PILRA: variants seen among roughly 807,000 people sequenced by gnomAD.
The protein encoded by PILRA is paired immunoglobulin-like type 2 receptor alpha.
In PILRA, 37 loss-of-function variants were observed where a neutral mutation model predicts 33.1. That is an observed-to-expected ratio of 1.12 (90% CI 0.86 to 1.47). The LOEUF (loss-of-function observed/expected upper bound fraction) is 1.47, where lower values mean the gene tolerates loss of function less well. Among genes scored for constraint, PILRA ranks in the 40% most tolerant of loss-of-function variants. The pLI is 0.00. For missense variants in PILRA, 312 were observed against 376.2 expected (o/e 0.83, Z 1.41); for synonymous variants, 146 against 149.9 (o/e 0.97, Z 0.19).
intron 3 of PILRA, among the ~76,000 whole-genome samples, chr7:100,396,786 G>A (rs1394463947): frequency 6.6e-6 from 1 of 152,058 alleles, no homozygotes; most frequent in African/African-American, 2.4e-5. Flanking sequence ...GGTGCCTAGA[G>A]ATATTAAATT....
intron 2 of PILRA, among the ~76,000 whole-genome samples, chr7:100,380,886 A>T (rs905849579): frequency 6.6e-6 from 1 of 151,966 alleles, no homozygotes; most frequent in Non-Finnish European, 1.5e-5. Flanking sequence ...CATAAGAATC[A>T]CTTGAACCCG....
At chr7:100,379,855 A>G (rs1791047928) in intron 2 of PILRA, among the ~76,000 whole-genome samples, 2 of 152,186 alleles carry the variant, frequency 1.3e-5, no homozygotes. Flanking sequence ...GACAAGCTGG[A>G]AACAGACTAA....
At position 100,392,486 on chromosome 7, in the gene PILRA, T is replaced by C. The variant is rs554827667; in HGVS notation, c.673+2380T>C. On this transcript the variant is annotated intron_variant, in intron 3 of 6. Transcript: ENST00000198536. ...TACCTACGTGGGGTTGTCCTGATGA[T>C]TAAATGTACTGTGTTTAGATCTTGC... Among the ~76,000 whole-genome samples, 4 of 152,310 alleles carry C rather than the reference T, an allele frequency of 2.6e-5. No individual in the cohort carries two copies. The South Asian group carries it at 8.3e-4, about 32-fold the overall frequency.
Position 100,390,322 on chromosome 7 carries a change from A to G in PILRA, c.673+216A>G, listed in dbSNP as rs555546672. Among the ~76,000 whole-genome samples the G allele has an allele frequency of 1.5e-3, 234 of 151,952 alleles. 1 individual carries two copies. The highest frequency in any genetic ancestry group is 5.4e-3 in the African/African-American group (223 of 41,426). The stretch of plus-strand genomic sequence containing the variant: ...CATGTGAGAGCCCACAGCCCTTTTC[A>G]CACAGCCGATCCCCCCCTAGTTCTT... On this transcript the variant is annotated intron_variant, in intron 3 of 6. Coordinates refer to ENST00000198536, the MANE Select transcript of PILRA (RefSeq NM_013439.3).
At chr7:100,392,285 G>C (rs1440087869) in intron 3 of PILRA, among the ~76,000 whole-genome samples, 2 of 152,188 alleles carry the variant, frequency 1.3e-5, no homozygotes, top group East Asian at 3.8e-4. Context: ...CTCCAGCCTG[G>C]GTGACAGAGT....
chr7:100,387,137 T>C (rs926382913), intron 2 of PILRA, among the ~76,000 whole-genome samples: 2 of 152,246 alleles, frequency 1.3e-5, no homozygotes, highest in Non-Finnish European at 2.9e-5. Context: ...GCGATGACCT[T>C]GAGCAGTAGG....
intron 2 of PILRA, among the ~76,000 whole-genome samples, chr7:100,379,348 C>A (rs1026035951): frequency 8.6e-5 from 13 of 151,830 alleles, no homozygotes; most frequent in Non-Finnish European, 1.8e-4. Context: ...CATTGCACTG[C>A]AGCCTGGGTG....
intron 4 of PILRA, among the ~76,000 whole-genome samples, chr7:100,398,527 C>G (rs1213361041): frequency 6.6e-6 from 1 of 152,170 alleles, no homozygotes; most frequent in Non-Finnish European, 1.5e-5. Context: ...AGCCTCACCC[C>G]TACCCTTTCT....
At chr7:100,378,072 G>A (rs1048903563) in intron 2 of PILRA, among the ~76,000 whole-genome samples, 1 of 151,988 alleles carries the variant, frequency 6.6e-6, no homozygotes, top group Admixed American at 6.6e-5. Flanking sequence ...TTTAGGCTTG[G>A]TGCAGTGGCT....
upstream of PILRA, chr7:100,373,405 A>T (rs1790861906): frequency 3.4e-6 from 2 of 579,758 alleles, no homozygotes; most frequent in Non-Finnish European, 6.2e-6. Flanking sequence ...GCCTTTGGGC[A>T]GGGCTGACTT....
intron 4 of PILRA, among the ~76,000 whole-genome samples, chr7:100,398,141 C>G (rs1051344707): frequency 6.6e-6 from 1 of 152,224 alleles, no homozygotes; most frequent in Non-Finnish European, 1.5e-5. Context: ...CAGGTTCCAG[C>G]ACAAACATTC....
At chr7:100,390,208 C>T in intron 3 of PILRA, 102 bp downstream of exon 3, 1 of 1,051,150 alleles carries the variant, frequency 9.5e-7, no homozygotes, top group Non-Finnish European at 1.4e-6. Context: ...ACCCTGCTGG[C>T]TCCCCTCAAG....
upstream of PILRA, among the ~76,000 whole-genome samples, chr7:100,372,576 C>T (rs1463224444): frequency 1.3e-5 from 2 of 152,198 alleles, no homozygotes; most frequent in East Asian, 1.9e-4. Flanking sequence ...GGCAGATCCC[C>T]GTTAGAGATG....
Position 100,374,200 on chromosome 7 carries a change from GC to G in PILRA, c.223del (p.His75ThrfsTer20). 1.2e-6 allele frequency: 2 copies of G among 1,614,112 alleles called. No homozygotes were observed. Among genetic ancestry groups the G allele is most frequent in the Non-Finnish European group, 1.7e-6 (2 of 1,180,020 alleles). The stretch of plus-strand genomic sequence containing the variant: ...GACGTGAGAATATCCTGGAGACGGG[GC>G]CACTTCCACAGGCAGTCCTTCTACA... ...APDVRISWRR[G>X]HFHRQSFYST... On this transcript the variant is annotated frameshift_variant, in exon 2 of 7. Coordinates refer to ENST00000198536, the MANE Select transcript of PILRA (RefSeq NM_013439.3). LOFTEE classifies it high-confidence loss of function.
chr7:100,372,577 G>A (rs1240475702), upstream of PILRA, among the ~76,000 whole-genome samples: 4 of 152,312 alleles, frequency 2.6e-5, no homozygotes, highest in South Asian at 4.1e-4. Context: ...GCAGATCCCC[G>A]TTAGAGATGG....
At chr7:100,393,919 T>C (rs1791440720) in intron 3 of PILRA, among the ~76,000 whole-genome samples, 1 of 152,074 alleles carries the variant, frequency 6.6e-6, no homozygotes, top group Non-Finnish European at 1.5e-5. Context: ...GCCCCGGCCC[T>C]CTCCACACAG....
At position 100,374,391 on chromosome 7, in the gene PILRA, C is replaced by A; in HGVS notation, c.412C>A (p.Gln138Lys). ...GGACACACGGAGCTCAGGGAGGCAG[C>A]AGTGGCAGTCCATCGAGGGGACCAA... ...ELDTRSSGRQ[Q>K]WQSIEGTKLS... The change falls in exon 2 of 7, where the codon CAG (glutamine) becomes AAG (lysine). Residue 138 changes from glutamine to lysine, a missense_variant. Transcript: ENST00000198536. The A allele has an allele frequency of 6.2e-7, 1 of 1,614,122 alleles. No individual in the cohort carries two copies. The highest frequency in any genetic ancestry group is 1.1e-5 in the South Asian group (1 of 91,088).
At chr7:100,374,731 C>G in intron 2 of PILRA, 1 of 457,134 alleles carries the variant, frequency 2.2e-6, no homozygotes, top group Non-Finnish European at 4.1e-6. Flanking sequence ...CATTCTTTCT[C>G]CAAAATGAGG....
At chr7:100,386,370 G>A (rs1000511546) in intron 2 of PILRA, among the ~76,000 whole-genome samples, 3 of 152,020 alleles carry the variant, frequency 2.0e-5, no homozygotes, top group Non-Finnish European at 2.9e-5. Flanking sequence ...CAGGTGTGGT[G>A]GCATGCACCT....
Sources: allele counts gnomAD v4.1 joint callset (sites outside exome capture counted in the v4.1 genomes callset), GRCh38; gene constraint gnomAD v4.1.1; transcripts MANE v1.5; gene names NCBI Gene and HGNC (gene_info 2026-07-23, HGNC 2026-07-21).